Variants in TNFAIP8 observed in about 807,000 individuals in gnomAD.
TNFAIP8 encodes TNF alpha induced protein 8, also known as tumor necrosis factor alpha-induced protein 8.
Under a neutral mutation model 13.3 loss-of-function variants are expected in TNFAIP8, and 7 were observed. The ratio of observed to expected loss-of-function variants is 0.52; its 90% CI spans 0.30 to 0.99. The LOEUF (loss-of-function observed/expected upper bound fraction) is 0.99. Among genes scored for constraint, TNFAIP8 ranks in the 50% least tolerant of loss-of-function variants. TNFAIP8 has a pLI of 0.07. For missense variants in TNFAIP8, 258 were observed against 236.9 expected, an observed-to-expected ratio of 1.09 and a Z score of -0.58; for synonymous variants, 94 against 87.6, an observed-to-expected ratio of 1.07 and a Z score of -0.41.
chr5:119,322,339 C>T (rs571005545), intron 1 of TNFAIP8, among the ~76,000 whole-genome samples: 128 of 152,364 alleles, frequency 8.4e-4, no homozygotes, highest in African/African-American at 2.9e-3. Flanking sequence ...AGTGCTACTC[C>T]TTGAGGAGTG....
intron 1 of TNFAIP8, among the ~76,000 whole-genome samples, chr5:119,310,842 A>G (rs1157167502): frequency 2.0e-5 from 3 of 151,968 alleles, no homozygotes; most frequent in Non-Finnish European, 4.4e-5. Flanking sequence ...CAATCAATCA[A>G]TCAATCAATA....
At chr5:119,280,128 C>G (rs181596426) in intron 1 of TNFAIP8, among the ~76,000 whole-genome samples, 1 of 152,084 alleles carries the variant, frequency 6.6e-6, no homozygotes, top group African/African-American at 2.4e-5. Flanking sequence ...AAGCAAACAC[C>G]CATATATATC....
chr5:119,318,333 G>A (rs943162893), intron 1 of TNFAIP8, among the ~76,000 whole-genome samples: 2 of 152,090 alleles, frequency 1.3e-5, no homozygotes, highest in Admixed American at 1.3e-4. Flanking sequence ...CCAGGCTGGA[G>A]TCTGGAGTGC....
chr5:119,303,629 C>T (rs966788780), intron 1 of TNFAIP8, among the ~76,000 whole-genome samples: 1 of 152,126 alleles, frequency 6.6e-6, no homozygotes, highest in Non-Finnish European at 1.5e-5. Flanking sequence ...TTGCTTCAGA[C>T]AAGTAGAACA....
chr5:119,268,936 G>C, intron 1 of TNFAIP8: 1 of 696,662 alleles, frequency 1.4e-6, no homozygotes, highest in Non-Finnish European at 2.6e-6. Flanking sequence ...CGCCCGTCCC[G>C]CGCACACTCC....
chr5:119,283,930 A>G (rs938770704), intron 1 of TNFAIP8, among the ~76,000 whole-genome samples: 2 of 152,044 alleles, frequency 1.3e-5, no homozygotes, highest in African/African-American at 4.8e-5. Flanking sequence ...CATACTGAAG[A>G]CTTGTTCTTC....
At chr5:119,305,982 G>A (rs1186965916) in intron 1 of TNFAIP8, among the ~76,000 whole-genome samples, 1 of 152,180 alleles carries the variant, frequency 6.6e-6, no homozygotes, top group African/African-American at 2.4e-5. Context: ...CGTGTGGTTG[G>A]CCTTGTAATG....
chr5:119,310,686 G>A (rs1749700753), intron 1 of TNFAIP8, among the ~76,000 whole-genome samples: 1 of 152,178 alleles, frequency 6.6e-6, no homozygotes, highest in African/African-American at 2.4e-5. Flanking sequence ...AATTAGCTGG[G>A]TGTGGTGGCA....
Position 119,393,438 on chromosome 5 carries a change from A to T in TNFAIP8, c.*57A>T, listed in dbSNP as rs925223330. The stretch of plus-strand genomic sequence containing the variant: ...TTTATTTGAAGATGGAGCACTGCTG[A>T]TTTATGAAGGAAAAAAGAAGAATTT... On this transcript the variant is annotated 3_prime_UTR_variant, in exon 2 of 2. Transcript: ENST00000504771. 1.4e-6 allele frequency: 2 copies of T among 1,454,542 alleles called. No homozygotes were observed. Among genetic ancestry groups the T allele is most frequent in the Admixed American group, 4.3e-5 (2 of 46,882 alleles). 90.1% of individuals were successfully genotyped at this position (1,454,542 alleles called of 1,614,324 possible).
intron 1 of TNFAIP8, among the ~76,000 whole-genome samples, chr5:119,296,337 C>G (rs1346742631): frequency 2.0e-5 from 3 of 151,780 alleles, no homozygotes; most frequent in Non-Finnish European, 1.5e-5. Flanking sequence ...TAGCATGAAG[C>G]ATTGTTGAAT....
At chr5:119,321,016 G>A (rs1170691977) in intron 1 of TNFAIP8, among the ~76,000 whole-genome samples, 3 of 152,144 alleles carry the variant, frequency 2.0e-5, no homozygotes, top group South Asian at 2.1e-4. Context: ...GGAGATTGAG[G>A]CCATCCTGTT....
chr5:119,336,001 G>A (rs1750539942), intron 1 of TNFAIP8, among the ~76,000 whole-genome samples: 1 of 152,044 alleles, frequency 6.6e-6, no homozygotes, highest in South Asian at 2.1e-4. Flanking sequence ...TATCCTGGGG[G>A]AAGAACTTTC....
chr5:119,283,610 A>T (rs1347891367), intron 1 of TNFAIP8, among the ~76,000 whole-genome samples: 2 of 152,162 alleles, frequency 1.3e-5, no homozygotes, highest in Admixed American at 1.3e-4. Flanking sequence ...AGAGTCGGTG[A>T]TATGGAAAAG....
chr5:119,273,895 G>A (rs1164563063), intron 1 of TNFAIP8, among the ~76,000 whole-genome samples: 1 of 152,152 alleles, frequency 6.6e-6, no homozygotes, highest in Non-Finnish European at 1.5e-5. Flanking sequence ...CAAAAAGTAA[G>A]CAACAGCTCA....
At chr5:119,356,909 G>GT (rs1234872513) in intron 1 of TNFAIP8, among the ~76,000 whole-genome samples, 2 of 152,104 alleles carry the variant, frequency 1.3e-5, no homozygotes, top group Non-Finnish European at 2.9e-5. Context: ...TAAGTGGGGG[G>GT]TGGGAGTAAG....
In TNFAIP8 at chr5:119,389,376, G is replaced by C. The variant is rs1752806548; in HGVS notation, c.32-3440G>C. On this transcript the variant is annotated intron_variant, in intron 1 of 1. Transcript: ENST00000504771. Reference sequence around the variant, plus strand: ...CTATGGGAGTCATTGGCACATGGGTGGTATCTGAAGCTGTGGCAGTGGATG... The same window carrying C: ...CTATGGGAGTCATTGGCACATGGGTCGTATCTGAAGCTGTGGCAGTGGATG... 2.6e-5 allele frequency among the ~76,000 whole-genome samples: 4 copies of C among 151,190 alleles called. No homozygotes were observed. In the South Asian group the frequency reaches 8.5e-4, roughly 32 times the overall value.
chr5:119,351,035 TA>T (rs1751118948), upstream of TNFAIP8, among the ~76,000 whole-genome samples: 1 of 130,904 alleles, frequency 7.6e-6, no homozygotes, highest in Non-Finnish European at 1.6e-5. Flanking sequence ...TGTGTGTGTG[TA>T]GAGAGAGAGA....
upstream of TNFAIP8, chr5:119,355,518 C>T: frequency 1.7e-6 from 1 of 585,294 alleles, no homozygotes; most frequent in Non-Finnish European, 3.1e-6. Context: ...ACAAAAATAA[C>T]ATACCAAAGC....
chr5:119,302,362 A>G (rs902601434), intron 1 of TNFAIP8, among the ~76,000 whole-genome samples: 4 of 152,224 alleles, frequency 2.6e-5, no homozygotes, highest in African/African-American at 9.6e-5. Context: ...TTTCTAGAGA[A>G]CACTAAATAG....
Sources: allele counts gnomAD v4.1 joint callset (sites outside exome capture counted in the v4.1 genomes callset), GRCh38; gene constraint gnomAD v4.1.1; transcripts MANE v1.5; gene names NCBI Gene and HGNC (gene_info 2026-07-23, HGNC 2026-07-21).